PPFIBP1: variants seen among roughly 807,000 people sequenced by gnomAD.
PPFIBP1 encodes the protein liprin-beta-1.
PPFIBP1 carries 112 observed loss-of-function variants against 137.8 expected under a neutral mutation model. That is an observed-to-expected ratio of 0.81 (90% CI 0.70 to 0.95). PPFIBP1 has a LOEUF of 0.95. Among genes scored for constraint, PPFIBP1 ranks in the 40% least tolerant of loss-of-function variants. PPFIBP1 has a pLI of 0.00. For synonymous variants in PPFIBP1, 378 were observed against 417.3 expected, an observed-to-expected ratio of 0.91 and a Z score of 1.15; for missense variants, 1,083 against 1,196.6, an observed-to-expected ratio of 0.91 and a Z score of 1.40.
chr12:27,594,443 G>T (rs2052948669), intron 2 of PPFIBP1, among the ~76,000 whole-genome samples: 1 of 152,154 alleles, frequency 6.6e-6, no homozygotes, highest in South Asian at 2.1e-4. Flanking sequence ...CTCCCAAAAT[G>T]CTGGGATTAC....
At chr12:27,541,602 G>A (rs1011151938) in intron 1 of PPFIBP1, among the ~76,000 whole-genome samples, 1 of 152,172 alleles carries the variant, frequency 6.6e-6, no homozygotes, top group African/African-American at 2.4e-5. Context: ...TGAGTCCTGT[G>A]GGAGGACTCA....
chr12:27,593,182 A>G (rs1485080348), intron 2 of PPFIBP1, among the ~76,000 whole-genome samples: 1 of 149,838 alleles, frequency 6.7e-6, no homozygotes, highest in East Asian at 2.0e-4. Flanking sequence ...TTCAATGTAG[A>G]TACAGTTTTT....
intron 4 of PPFIBP1, among the ~76,000 whole-genome samples, chr12:27,639,275 T>G (rs1444845108): frequency 1.3e-5 from 2 of 152,236 alleles, no homozygotes; most frequent in African/African-American, 2.4e-5. Flanking sequence ...AATTTTCTGT[T>G]TCAATTATGA....
intron 2 of PPFIBP1, among the ~76,000 whole-genome samples, chr12:27,606,208 T>C (rs1344822801): frequency 6.6e-6 from 1 of 152,270 alleles, no homozygotes; most frequent in East Asian, 1.9e-4. Context: ...TTATGGCTAC[T>C]TCTCTTGCAG....
intron 11 of PPFIBP1, among the ~76,000 whole-genome samples, chr12:27,663,250 T>C (rs1024417433): frequency 2.6e-5 from 4 of 152,182 alleles, no homozygotes; most frequent in African/African-American, 9.7e-5. Flanking sequence ...TAACATTTGC[T>C]GATATCTCTT....
At chr12:27,654,071 G>A (rs1365471546) in intron 7 of PPFIBP1, among the ~76,000 whole-genome samples, 2 of 152,154 alleles carry the variant, frequency 1.3e-5, no homozygotes, top group Non-Finnish European at 2.9e-5. Flanking sequence ...TATATATGAC[G>A]ATAATTAAAA....
chr12:27,668,427 C>CTGTG (rs2059990899), intron 13 of PPFIBP1, among the ~76,000 whole-genome samples: 5 of 152,176 alleles, frequency 3.3e-5, no homozygotes, highest in Non-Finnish European at 7.3e-5. Flanking sequence ...GTCACCAGTC[C>CTGTG]ATAGCAATTC....
intron 26 of PPFIBP1, among the ~76,000 whole-genome samples, chr12:27,688,740 G>A (rs552213529): frequency 3.3e-5 from 5 of 152,304 alleles, no homozygotes; most frequent in African/African-American, 9.6e-5. Flanking sequence ...TAAGGAGGTG[G>A]CTCCCACAGA....
intron 2 of PPFIBP1, among the ~76,000 whole-genome samples, chr12:27,596,071 TAC>T (rs376577510): frequency 0.067 from 8,788 of 130,670 alleles, 780 homozygotes; most frequent in African/African-American, 0.22. Flanking sequence ...TGGGTATAAA[TAC>T]ACACACACAC....
chr12:27,668,831 A>AT (rs895586584), intron 13 of PPFIBP1, among the ~76,000 whole-genome samples: 15 of 151,138 alleles, frequency 9.9e-5, no homozygotes, highest in South Asian at 2.1e-4. Context: ...TTCCTAAGGT[A>AT]TTTTTTTTTC....
intron 11 of PPFIBP1, among the ~76,000 whole-genome samples, chr12:27,663,851 A>G (rs1186163121): frequency 6.6e-6 from 1 of 151,944 alleles, no homozygotes; most frequent in East Asian, 1.9e-4. Context: ...AAAAAAAAAA[A>G]AGAGAAAAAG....
chr12:27,629,635 G>A (rs893181437), intron 2 of PPFIBP1, among the ~76,000 whole-genome samples: 2 of 152,278 alleles, frequency 1.3e-5, no homozygotes, highest in Non-Finnish European at 2.9e-5. Context: ...GAAGCCCAGG[G>A]AATCTTCCTC....
At chr12:27,537,305 G>A (rs1014070974) in intron 1 of PPFIBP1, among the ~76,000 whole-genome samples, 2 of 152,052 alleles carry the variant, frequency 1.3e-5, no homozygotes, top group African/African-American at 4.8e-5. Context: ...CTAATTTTTT[G>A]TGTTTTTAGT....
intron 2 of PPFIBP1, among the ~76,000 whole-genome samples, chr12:27,602,106 T>G (rs535628043): frequency 6.6e-6 from 1 of 152,310 alleles, no homozygotes; most frequent in Admixed American, 6.5e-5. Context: ...TGGTTGGATC[T>G]GGAGAACATT....
chr12:27,623,656 C>T (rs1194345491), intron 2 of PPFIBP1, among the ~76,000 whole-genome samples: 3 of 151,868 alleles, frequency 2.0e-5, no homozygotes, highest in Admixed American at 6.6e-5. Context: ...TGCAGTGAGC[C>T]GCGATCATGC....
chr12:27,691,978 A>C, intron 28 of PPFIBP1, 50 bp downstream of exon 28: 1 of 1,469,836 alleles, frequency 6.8e-7, no homozygotes, highest in Non-Finnish European at 9.2e-7. Context: ...TCATTCAGAC[A>C]CTAAATGGGA....
chr12:27,619,171 A>G, intron 2 of PPFIBP1, among the ~76,000 whole-genome samples: 1 of 152,028 alleles, frequency 6.6e-6, no homozygotes, highest in Non-Finnish European at 1.5e-5. Context: ...TGGTCCCACG[A>G]CCTCCCACAG....
chr12:27,635,185 T>G (rs1249418024), intron 4 of PPFIBP1, 70 bp downstream of exon 4: 8 of 1,474,642 alleles, frequency 5.4e-6, no homozygotes, highest in Non-Finnish European at 7.6e-6. Flanking sequence ...GAACATAGAA[T>G]AGCTGATTAG....
chr12:27,538,381 C>T (rs1945282035), intron 1 of PPFIBP1: 1 of 152,252 alleles, frequency 6.6e-6, no homozygotes, highest in Non-Finnish European at 1.5e-5. Context: ...CCTTCCAGCC[C>T]AGTGATTTTG....
Sources: gnomAD v4.1 joint callset for allele counts (sites outside exome capture counted in the v4.1 genomes callset) on GRCh38, gnomAD v4.1.1 for gene constraint, MANE v1.5 for transcripts, NCBI Gene and HGNC (gene_info 2026-07-23, HGNC 2026-07-21) for gene names.